The following TENM2 variants were observed in gnomAD, a reference collection of about 807,000 sequenced individuals.
TENM2 encodes the protein teneurin-2.
In TENM2, 52 loss-of-function variants were observed where a neutral mutation model predicts 245.2. That is an observed-to-expected ratio of 0.21 (90% confidence interval 0.17 to 0.27). TENM2 has a LOEUF of 0.27. Among genes scored for constraint, TENM2 ranks in the 10% least tolerant of loss-of-function variants. The probability of loss-of-function intolerance (pLI) is 1.00; values close to 1 mark genes in which losing one functional copy is unlikely to be tolerated. For synonymous variants in TENM2, 1,363 were observed against 1,438.9 expected (o/e 0.95, Z 1.19); for missense variants, 3,046 against 3,666.8 (o/e 0.83, Z 4.37).
intron 2 of TENM2, among the ~76,000 whole-genome samples, chr5:167,754,235 C>T (rs1182495572): frequency 6.6e-6 from 1 of 152,032 alleles, no homozygotes. Flanking sequence ...TGGCCCTTTG[C>T]ACGTTAGGAA....
the TENM2 span, among the ~76,000 whole-genome samples, chr5:167,150,541 T>C: frequency 2.6e-5 from 4 of 152,218 alleles, no homozygotes; most frequent in African/African-American, 9.6e-5. Context: ...GTCATAATAA[T>C]AGCTAACACT....
intron 2 of TENM2, among the ~76,000 whole-genome samples, chr5:167,511,076 CAT>C (rs1467191577): frequency 6.6e-6 from 1 of 152,146 alleles, no homozygotes; most frequent in African/African-American, 2.4e-5. Flanking sequence ...ATTTATCCCA[CAT>C]GTATTACATA....
chr5:167,743,531 C>A (rs891153717), intron 2 of TENM2, among the ~76,000 whole-genome samples: 1 of 152,118 alleles, frequency 6.6e-6, no homozygotes, highest in African/African-American at 2.4e-5. Flanking sequence ...GCAGTCTTTT[C>A]TTTTTCTTCC....
At chr5:167,962,066 A>G (rs376531557) in intron 4 of TENM2, among the ~76,000 whole-genome samples, 180 of 152,338 alleles carry the variant, frequency 1.2e-3, no homozygotes, top group African/African-American at 4.1e-3. Flanking sequence ...CCTCTTGACA[A>G]ATATCTGGTA....
At chr5:168,008,039 T>C (rs1292311290) in intron 5 of TENM2, among the ~76,000 whole-genome samples, 1 of 152,192 alleles carries the variant, frequency 6.6e-6, no homozygotes, top group African/African-American at 2.4e-5. Context: ...TGTGTATTCA[T>C]TCAAGAGAAA....
chr5:167,474,553 G>A (rs923743478), intron 2 of TENM2, among the ~76,000 whole-genome samples: 2 of 145,574 alleles, frequency 1.4e-5, no homozygotes, highest in Admixed American at 7.0e-5. Context: ...TCACTCTGTC[G>A]CCCAGGCTGG....
In TENM2 at chr5:167,524,009, T is replaced by A. The variant is rs181298808; in HGVS notation, c.502+148536T>A. Among the ~76,000 whole-genome samples the A allele has an allele frequency of 6.7e-4, 102 of 152,294 alleles. 1 individual carries two copies. In the East Asian group the frequency reaches 0.015, roughly 22 times the overall value. ...TAATGGTACCCCAGGTTACCTAATA[T>A]CTCATACTTACTGGTTATTCATCTC... is the stretch of plus-strand genomic sequence containing the variant. On this transcript the variant is annotated intron_variant, in intron 2 of 28. Coordinates refer to ENST00000518659, the Ensembl canonical transcript of TENM2.
intron 10 of TENM2, among the ~76,000 whole-genome samples, chr5:168,123,084 C>G (rs2152346750): frequency 6.6e-6 from 1 of 152,048 alleles, no homozygotes; most frequent in South Asian, 2.1e-4. Context: ...ATTGCTTGAG[C>G]CCAGGAGTTC....
chr5:168,150,980 G>A (rs529401591), intron 12 of TENM2, among the ~76,000 whole-genome samples: 11 of 152,254 alleles, frequency 7.2e-5, no homozygotes, highest in African/African-American at 2.6e-4. Flanking sequence ...TGCTGAGCAT[G>A]GACAAATGGC....
At chr5:167,909,894 G>T (rs1048086551) in intron 3 of TENM2, among the ~76,000 whole-genome samples, 1 of 147,680 alleles carries the variant, frequency 6.8e-6, no homozygotes, top group African/African-American at 2.5e-5. Context: ...GCCTGGCTTT[G>T]AAATTGTGAG....
At chr5:167,558,474 A>G (rs923727324) in intron 2 of TENM2, among the ~76,000 whole-genome samples, 6 of 152,334 alleles carry the variant, frequency 3.9e-5, no homozygotes, top group Middle Eastern at 3.4e-3. Flanking sequence ...ACCCGGCTGC[A>G]TGGCAGGAGT....
the TENM2 span, among the ~76,000 whole-genome samples, chr5:167,270,914 G>A: frequency 6.6e-6 from 1 of 152,136 alleles, no homozygotes; most frequent in African/African-American, 2.4e-5. Context: ...AAGAACATCT[G>A]TGTTGCAGGA....
At chr5:167,868,736 TA>T (rs11345222) in intron 2 of TENM2, among the ~76,000 whole-genome samples, 32,666 of 123,244 alleles carry the variant, frequency 0.27, 4,419 homozygotes, top group African/African-American at 0.39. Flanking sequence ...AGATTCTGTC[TA>T]AAAAAAAAAA....
At chr5:168,015,364 C>A (rs1038296425) in intron 5 of TENM2, among the ~76,000 whole-genome samples, 1 of 152,160 alleles carries the variant, frequency 6.6e-6, no homozygotes, top group Non-Finnish European at 1.5e-5. Flanking sequence ...AGAACTTGTC[C>A]ACGACACAAG....
At chr5:167,779,771 A>G (rs1227781543) in intron 2 of TENM2, among the ~76,000 whole-genome samples, 1 of 152,210 alleles carries the variant, frequency 6.6e-6, no homozygotes, top group Non-Finnish European at 1.5e-5. Context: ...CATTTTAGAT[A>G]AGCCCTGGCA....
At chr5:167,139,623 G>A in the TENM2 span, among the ~76,000 whole-genome samples, 1 of 152,132 alleles carries the variant, frequency 6.6e-6, no homozygotes, top group Non-Finnish European at 1.5e-5. Context: ...CCTTAGCAAA[G>A]TCAATCGTTA....
chr5:167,715,991 A>G (rs1759229211), intron 2 of TENM2, among the ~76,000 whole-genome samples: 1 of 152,206 alleles, frequency 6.6e-6, no homozygotes, highest in South Asian at 2.1e-4. Flanking sequence ...ATTTGCTGCC[A>G]TCGCTCTGAA....
exon 5 of TENM2, chr5:167,993,025 G>T (rs761402373): frequency 6.2e-7 from 1 of 1,613,912 alleles, no homozygotes; most frequent in South Asian, 1.1e-5. Flanking sequence ...CCTCAGGAAC[G>T]GTTTACACGC....
At chr5:168,004,930 CTGACTCT>C (rs1210530351) in intron 5 of TENM2, among the ~76,000 whole-genome samples, 1 of 151,956 alleles carries the variant, frequency 6.6e-6, no homozygotes, top group Non-Finnish European at 1.5e-5. Context: ...TGATTTTTTT[CTGACTCT>C]TGTCCCCATC....
Sources: gnomAD v4.1 joint callset for allele counts (sites outside exome capture counted in the v4.1 genomes callset) on GRCh38, gnomAD v4.1.1 for gene constraint, MANE v1.5 for transcripts, NCBI Gene and HGNC (gene_info 2026-07-23, HGNC 2026-07-21) for gene names.